CDH12: variants seen among roughly 807,000 people sequenced by gnomAD.
CDH12 encodes the protein cadherin-12.
Under a neutral mutation model 74.1 loss-of-function variants are expected in CDH12, and 41 were observed. That is an observed-to-expected ratio of 0.55 (90% CI 0.43 to 0.72). The LOEUF (loss-of-function observed/expected upper bound fraction) is 0.72. Ranked by LOEUF, CDH12 falls within the 30% of genes least tolerant of loss-of-function variation. The pLI, the probability that CDH12 is intolerant of heterozygous loss-of-function variation, is 0.00. For missense variants in CDH12, 945 were observed against 977.2 expected, an observed-to-expected ratio of 0.97 and a Z score of 0.44; for synonymous variants, 399 against 355.0, an observed-to-expected ratio of 1.12 and a Z score of -1.39.
intron 3 of CDH12, among the ~76,000 whole-genome samples, chr5:22,221,696 C>T (rs72742026): frequency 6.6e-6 from 1 of 151,874 alleles, no homozygotes; most frequent in Non-Finnish European, 1.5e-5. Context: ...CAGCTGCTAC[C>T]CCCATCCCCC....
intron 2 of CDH12, among the ~76,000 whole-genome samples, chr5:22,470,863 CTTTT>C (rs5866567): frequency 7.0e-6 from 1 of 142,634 alleles, no homozygotes; most frequent in African/African-American, 2.6e-5. Context: ...AACCTTAGCG[CTTTT>C]TTTTTTTTTT....
intron 3 of CDH12, among the ~76,000 whole-genome samples, chr5:22,266,957 T>C (rs1736147905): frequency 1.3e-5 from 2 of 152,142 alleles, no homozygotes; most frequent in African/African-American, 4.8e-5. Context: ...AAACCATCTC[T>C]ACACTGTCCT....
chr5:22,634,501 C>A (rs1295663556), intron 1 of CDH12, among the ~76,000 whole-genome samples: 3 of 151,972 alleles, frequency 2.0e-5, no homozygotes, highest in African/African-American at 7.2e-5. Context: ...CAAATATGAA[C>A]ATATTATAAT....
At chr5:21,883,267 C>T in intron 6 of CDH12, 4 of 1,374,322 alleles carry the variant, frequency 2.9e-6, no homozygotes, top group Non-Finnish European at 4.2e-6. Flanking sequence ...TATATTTCTC[C>T]ATACTTTATT....
intron 2 of CDH12, among the ~76,000 whole-genome samples, chr5:22,411,964 T>C (rs1743188633): frequency 6.6e-6 from 1 of 151,988 alleles, no homozygotes; most frequent in Non-Finnish European, 1.5e-5. Context: ...ATTCCTCGTA[T>C]TCAGTTTGTA....
chr5:22,322,482 C>T (rs1459283564), intron 3 of CDH12, among the ~76,000 whole-genome samples: 6 of 152,016 alleles, frequency 3.9e-5, no homozygotes, highest in African/African-American at 7.2e-5. Context: ...TTTCTCTGCT[C>T]ATTTGGCTTC....
intron 11 of CDH12, among the ~76,000 whole-genome samples, chr5:21,772,088 T>C (rs1283410302): frequency 6.6e-6 from 1 of 151,628 alleles, no homozygotes; most frequent in Non-Finnish European, 1.5e-5. Context: ...TTTGGAATCC[T>C]CTTGGTTGAG....
At chr5:22,067,715 C>T (rs1022119728) in intron 5 of CDH12, among the ~76,000 whole-genome samples, 6 of 152,122 alleles carry the variant, frequency 3.9e-5, no homozygotes, top group African/African-American at 1.4e-4. Context: ...AGCCTTGCCT[C>T]CTCTGTGGAT....
chr5:22,425,154 T>TATATATATATATATAA (rs1554039864), intron 2 of CDH12, among the ~76,000 whole-genome samples: 2 of 65,178 alleles, frequency 3.1e-5, no homozygotes, highest in African/African-American at 2.3e-4. Flanking sequence ...TGTGTGTGTG[T>TATATATATATATATAA]ATATATATAT....
intron 2 of CDH12, among the ~76,000 whole-genome samples, chr5:22,447,967 C>T (rs1170159966): frequency 8.0e-6 from 1 of 124,890 alleles, no homozygotes; most frequent in Non-Finnish European, 1.6e-5. Context: ...ATGATGAGGC[C>T]TCCTTTCTAC....
At chr5:22,600,047 A>C (rs1474857010) in intron 1 of CDH12, among the ~76,000 whole-genome samples, 1 of 152,142 alleles carries the variant, frequency 6.6e-6, no homozygotes, top group African/African-American at 2.4e-5. Context: ...GGAAAAAAAG[A>C]CATGCAGACT....
intron 4 of CDH12, among the ~76,000 whole-genome samples, chr5:22,208,881 C>T (rs1751374563): frequency 1.3e-5 from 2 of 152,262 alleles, no homozygotes; most frequent in South Asian, 4.1e-4. Context: ...GTAATGTGTA[C>T]ATATACTTTG....
chr5:21,975,153 T>C lies in CDH12; in HGVS notation c.464A>G (p.Asp155Gly). ...TCCATCCAAAAACTTTGGCTCATTA[T>C]CATTAATATCCTGCACTTTGATGAT... ...EFIIKVQDIN[D>G]NEPKFLDGPY... The change falls in exon 6 of 15, where the codon GAT becomes GGT. Residue 155 changes from aspartate (D) to glycine (G), a missense_variant. Physicochemically the swap from Asp to Gly is moderately conservative, Grantham distance 94. Coordinates refer to ENST00000382254, the MANE Select transcript of CDH12 (RefSeq NM_004061.5). 2 of 1,597,240 alleles carry C rather than the reference T, an allele frequency of 1.3e-6. No individual in the cohort carries two copies. Among genetic ancestry groups the C allele is most frequent in the Non-Finnish European group, 1.7e-6 (2 of 1,179,534 alleles).
chr5:22,594,673 G>T (rs543232214), intron 1 of CDH12, among the ~76,000 whole-genome samples: 22 of 152,196 alleles, frequency 1.4e-4, no homozygotes, highest in Admixed American at 2.6e-4. Flanking sequence ...GCTGAAATGA[G>T]CATTTTAACT....
chr5:22,281,747 T>C (rs1736893377), intron 3 of CDH12, among the ~76,000 whole-genome samples: 1 of 152,088 alleles, frequency 6.6e-6, no homozygotes, highest in African/African-American at 2.4e-5. Flanking sequence ...TAGAATAACA[T>C]TCCATGCTCA....
intron 1 of CDH12, among the ~76,000 whole-genome samples, chr5:22,582,897 A>T (rs944322362): frequency 7.2e-5 from 11 of 152,148 alleles, no homozygotes; most frequent in Admixed American, 1.3e-4. Context: ...TTTGGCCAGC[A>T]CTATAGGGGG....
intron 4 of CDH12, among the ~76,000 whole-genome samples, chr5:22,144,482 T>C (rs1747027767): frequency 6.6e-6 from 1 of 152,170 alleles, no homozygotes; most frequent in African/African-American, 2.4e-5. Context: ...ATTTGAACTC[T>C]TTTGATTATT....
intron 6 of CDH12, among the ~76,000 whole-genome samples, chr5:21,897,031 A>G: frequency 6.6e-6 from 1 of 152,228 alleles, no homozygotes. Flanking sequence ...AATCTGAGAA[A>G]AAAATATTGA....
intron 1 of CDH12, among the ~76,000 whole-genome samples, chr5:22,787,334 T>C (rs142260028): frequency 2.4e-3 from 368 of 152,322 alleles, no homozygotes; most frequent in Non-Finnish European, 2.7e-3. Flanking sequence ...TATCCCACTA[T>C]GCAATTTCAT....
Sources: gnomAD v4.1 joint callset for allele counts (sites outside exome capture counted in the v4.1 genomes callset) on GRCh38, gnomAD v4.1.1 for gene constraint, MANE v1.5 for transcripts, NCBI Gene and HGNC (gene_info 2026-07-23, HGNC 2026-07-21) for gene names.